CSMD3: variants seen among roughly 807,000 people sequenced by gnomAD.
CSMD3 encodes CUB and sushi domain-containing protein 3.
In CSMD3, 177 loss-of-function variants were observed where a neutral mutation model predicts 435.2. The observed-to-expected ratio is 0.41, with a 90% CI of 0.36 to 0.46. The LOEUF (loss-of-function observed/expected upper bound fraction) is 0.46. Among genes scored for constraint, CSMD3 ranks in the 20% least tolerant of loss-of-function variants. CSMD3 has a pLI of 0.34. For synonymous variants in CSMD3, 1,656 were observed against 1,520.5 expected, an observed-to-expected ratio of 1.09 and a Z score of -2.07; for missense variants, 4,265 against 4,504.6, an observed-to-expected ratio of 0.95 and a Z score of 1.52.
At chr8:112,641,335 C>G (rs1396400273) in intron 20 of CSMD3, among the ~76,000 whole-genome samples, 2 of 152,010 alleles carry the variant, frequency 1.3e-5, no homozygotes, top group Non-Finnish European at 2.9e-5. Context: ...AGAAAATGAT[C>G]CTGAGAAACT....
intron 10 of CSMD3, among the ~76,000 whole-genome samples, chr8:112,908,029 A>G (rs113358066): frequency 6.6e-6 from 1 of 151,378 alleles, no homozygotes; most frequent in African/African-American, 2.4e-5. Flanking sequence ...AACAAAAAAC[A>G]TGATAATATT....
intron 13 of CSMD3, among the ~76,000 whole-genome samples, chr8:112,691,870 G>A (rs534651207): frequency 2.2e-4 from 34 of 152,032 alleles, no homozygotes; most frequent in Non-Finnish European, 7.4e-5. Flanking sequence ...GCGTGATCTC[G>A]GCTCATTGTA....
chr8:112,836,831 C>T (rs1587437854), intron 11 of CSMD3, among the ~76,000 whole-genome samples: 1 of 151,670 alleles, frequency 6.6e-6, no homozygotes, highest in Non-Finnish European at 1.5e-5. Context: ...ATGAACAAAT[C>T]GTTTTAATAA....
intron 2 of CSMD3, among the ~76,000 whole-genome samples, chr8:113,300,876 C>T (rs1356548946): frequency 1.3e-5 from 2 of 151,906 alleles, no homozygotes; most frequent in Non-Finnish European, 2.9e-5. Flanking sequence ...ACAAGTGTGA[C>T]AAATGCATAC....
chr8:113,298,578 T>C (rs1354417819), intron 2 of CSMD3, among the ~76,000 whole-genome samples: 2 of 152,196 alleles, frequency 1.3e-5, no homozygotes, highest in Admixed American at 6.5e-5. Context: ...TTTAATGTAA[T>C]ATCTTGCTTA....
At chr8:112,927,854 T>G (rs2082960502) in intron 9 of CSMD3, among the ~76,000 whole-genome samples, 1 of 152,134 alleles carries the variant, frequency 6.6e-6, no homozygotes, top group African/African-American at 2.4e-5. Flanking sequence ...CATATTTCTT[T>G]ACACTGTTGG....
At chr8:112,268,423 T>C (rs1408024622) in intron 59 of CSMD3, among the ~76,000 whole-genome samples, 1 of 152,250 alleles carries the variant, frequency 6.6e-6, no homozygotes, top group East Asian at 1.9e-4. Context: ...AGTCAATCTA[T>C]GCCGCTTTAA....
At chr8:112,384,550 TTATTA>T (rs1213199824) in intron 36 of CSMD3, among the ~76,000 whole-genome samples, 1 of 152,208 alleles carries the variant, frequency 6.6e-6, no homozygotes, top group Non-Finnish European at 1.5e-5. Context: ...AGGAATAACT[TTATTA>T]AAAGTTTTTT....
intron 30 of CSMD3, among the ~76,000 whole-genome samples, chr8:112,497,880 C>G (rs977322003): frequency 3.3e-5 from 5 of 151,914 alleles, no homozygotes; most frequent in Non-Finnish European, 7.4e-5. Flanking sequence ...TTCCCATAAA[C>G]AGCGGGGGTT....
chr8:112,938,668 T>C (rs147867369), intron 9 of CSMD3, among the ~76,000 whole-genome samples: 2 of 152,222 alleles, frequency 1.3e-5, no homozygotes, highest in East Asian at 3.9e-4. Context: ...TTTTTTAAAA[T>C]ACACACCACA....
intron 13 of CSMD3, among the ~76,000 whole-genome samples, chr8:112,783,278 TATAAG>T (rs1333206682): frequency 3.3e-5 from 5 of 151,740 alleles, no homozygotes; most frequent in Admixed American, 1.3e-4. Flanking sequence ...AATCATGGGC[TATAAG>T]ATATTATTTC....
chr8:113,044,958 C>G (rs1045044203), intron 5 of CSMD3, among the ~76,000 whole-genome samples: 1 of 149,038 alleles, frequency 6.7e-6, no homozygotes, highest in Non-Finnish European at 1.5e-5. Flanking sequence ...TACTACTTAT[C>G]CTTAAATATT....
chr8:112,707,260 A>G (rs1050169553), intron 13 of CSMD3, among the ~76,000 whole-genome samples: 2 of 152,102 alleles, frequency 1.3e-5, no homozygotes, highest in Non-Finnish European at 2.9e-5. Flanking sequence ...AGTAAGAAGG[A>G]TAAACCACTC....
At chr8:112,803,328 T>C (rs1384351668) in intron 12 of CSMD3, among the ~76,000 whole-genome samples, 1 of 152,178 alleles carries the variant, frequency 6.6e-6, no homozygotes, top group Non-Finnish European at 1.5e-5. Context: ...CTAGTTAGTG[T>C]ATTTCCCTAC....
At chr8:112,348,927 G>A (rs1240031737) in intron 40 of CSMD3, among the ~76,000 whole-genome samples, 1 of 152,050 alleles carries the variant, frequency 6.6e-6, no homozygotes, top group Non-Finnish European at 1.5e-5. Context: ...AATAATTGAT[G>A]TAAGCAATAT....
At chr8:112,431,056 T>C (rs1179904264) in intron 32 of CSMD3, among the ~76,000 whole-genome samples, 1 of 149,236 alleles carries the variant, frequency 6.7e-6, no homozygotes. Flanking sequence ...TTTAGAATTA[T>C]TGTTGTCAAG....
intron 59 of CSMD3, 133 bp from the exon 60 acceptor site, chr8:112,265,723 T>A (rs1367178107): frequency 5.7e-5 from 41 of 722,570 alleles, no homozygotes; most frequent in Non-Finnish European, 9.7e-5. Context: ...TCATAAAACA[T>A]AAACATATTT....
intron 13 of CSMD3, among the ~76,000 whole-genome samples, chr8:112,690,290 A>T (rs1220162439): frequency 3.3e-5 from 5 of 151,932 alleles, no homozygotes; most frequent in Admixed American, 6.6e-5. Flanking sequence ...AGAGCTAATG[A>T]GGTGCCAGAG....
In CSMD3 at chr8:112,573,544, G is replaced by T. The variant is rs148941521; in HGVS notation, c.3999C>A (p.Ser1333=). ...AGCCTTCATCTGTCCCTTCAGTATCGGAATTAAATTCTAGCCAGAGTTGAT... is the reference window on the plus strand; with the variant it reads ...AGCCTTCATCTGTCCCTTCAGTATCTGAATTAAATTCTAGCCAGAGTTGAT... The part of the protein sequence containing the change: ...TSNQLWLEFN[S]DTEGTDEGFQ... The change falls in exon 24 of 71, where the codon TCC becomes TCA. Residue 1333 remains serine, a synonymous_variant. Transcript: ENST00000297405. The T allele has an allele frequency of 1.2e-6, 2 of 1,613,296 alleles. No homozygotes were observed.
Sources: allele counts gnomAD v4.1 joint callset (sites outside exome capture counted in the v4.1 genomes callset), GRCh38; gene constraint gnomAD v4.1.1; transcripts MANE v1.5; gene names NCBI Gene and HGNC (gene_info 2026-07-23, HGNC 2026-07-21).